The following PAPPA2 variants were observed in gnomAD, a reference collection of about 807,000 sequenced individuals.
The protein encoded by PAPPA2 is pappalysin-2.
In PAPPA2, 86 loss-of-function variants were observed where a neutral mutation model predicts 176.4. The ratio of observed to expected loss-of-function variants is 0.49; its 90% CI spans 0.41 to 0.58. PAPPA2 has a LOEUF of 0.58. PAPPA2 is among the 20% of genes least tolerant of loss of function. The pLI, the probability that PAPPA2 is intolerant of heterozygous loss-of-function variation, is 0.00. For missense variants in PAPPA2, 2,073 were observed against 2,256.9 expected, an observed-to-expected ratio of 0.92 and a Z score of 1.65; for synonymous variants, 809 against 852.2, an observed-to-expected ratio of 0.95 and a Z score of 0.88.
intron 14 of PAPPA2, among the ~76,000 whole-genome samples, chr1:176,742,960 A>G (rs553821426): frequency 1.8e-4 from 27 of 152,154 alleles, no homozygotes; most frequent in Non-Finnish European, 2.9e-4. Flanking sequence ...CTACACTTTA[A>G]AACCAACCTG....
chr1:176,841,742 G>A (rs1667497421), intron 22 of PAPPA2, among the ~76,000 whole-genome samples: 1 of 152,038 alleles, frequency 6.6e-6, no homozygotes, highest in African/African-American at 2.4e-5. Flanking sequence ...ACAATGGGTG[G>A]GTAGATGCAT....
At chr1:176,623,663 CTTTCTT>C (rs771529126) in intron 3 of PAPPA2, among the ~76,000 whole-genome samples, 6,468 of 116,610 alleles carry the variant, frequency 0.055, 243 homozygotes, top group African/African-American at 0.069. Flanking sequence ...TTCTTTCTTT[CTTTCTT>C]TTTCTTTCTT....
chr1:176,602,425 A>T (rs1288374849), intron 3 of PAPPA2, among the ~76,000 whole-genome samples: 1 of 152,306 alleles, frequency 6.6e-6, no homozygotes, highest in East Asian at 1.9e-4. Flanking sequence ...GGCACATGGC[A>T]TCAAAGGGAA....
intron 21 of PAPPA2, among the ~76,000 whole-genome samples, chr1:176,829,519 G>GAA (rs1667004892): frequency 6.6e-6 from 1 of 152,212 alleles, no homozygotes; most frequent in Non-Finnish European, 1.5e-5. Context: ...ACCAGCTCAG[G>GAA]CCTGCCTCAG....
chr1:176,798,435 T>A (rs1241305271), intron 20 of PAPPA2, among the ~76,000 whole-genome samples: 2 of 152,214 alleles, frequency 1.3e-5, no homozygotes, highest in Non-Finnish European at 2.9e-5. Context: ...GGTGGGGAAC[T>A]GGGGGTCCAT....
Position 176,765,828 on chromosome 1 carries a change from G to T in PAPPA2, c.4314G>T (p.Arg1438Ser). The T allele has an allele frequency of 1.2e-6, 2 of 1,613,808 alleles. No individual in the cohort carries two copies. The highest frequency in any genetic ancestry group is 1.7e-6 in the Non-Finnish European group (2 of 1,179,914). The part of the protein sequence containing the change: ...ALQASSGQYI[R>S]PMQKEILLTC... ...AGGCCAGCAGTGGGCAGTACATCAG[G>T]CCCATGCAGGTGAGTTGAAAGAACA... The change falls in exon 15 of 23, where the codon AGG (arginine) becomes AGT (serine). Residue 1438 changes from arginine to serine, a missense_variant. Transcript: ENST00000367662.
chr1:176,514,793 C>T (rs1007062188), intron 1 of PAPPA2, among the ~76,000 whole-genome samples: 4 of 152,208 alleles, frequency 2.6e-5, no homozygotes, highest in East Asian at 3.8e-4. Context: ...AGCAGAAATG[C>T]GATGACAAAG....
rs77372432 is a variant in PAPPA2, at chr1:176,472,168, A to C, written c.-917+8750A>C. Among the ~76,000 whole-genome samples, 190 of 152,354 alleles carry C rather than the reference A, an allele frequency of 1.2e-3. No homozygotes were observed. In the East Asian group the frequency reaches 0.017, roughly 13 times the overall value. On this transcript the variant is annotated intron_variant, in intron 1 of 22. Transcript: ENST00000367662. ...TATTATTTGATTTATCAGTGTTAAC[A>C]ATTCATATAGGAAAGGCCAATAAAT... is the stretch of plus-strand genomic sequence containing the variant.
At chr1:176,715,165 A>G (rs1661311716) in intron 12 of PAPPA2, among the ~76,000 whole-genome samples, 1 of 152,178 alleles carries the variant, frequency 6.6e-6, no homozygotes, top group East Asian at 1.9e-4. Flanking sequence ...GTGCACTAAT[A>G]ATTCTATCTT....
chr1:176,467,241 A>G (rs944543758), intron 1 of PAPPA2, among the ~76,000 whole-genome samples: 4 of 152,226 alleles, frequency 2.6e-5, no homozygotes, highest in Non-Finnish European at 5.9e-5. Flanking sequence ...AAAATATAAT[A>G]TTATAATCTT....
At chr1:176,567,214 G>A (rs1234203147) in intron 2 of PAPPA2, among the ~76,000 whole-genome samples, 6 of 152,156 alleles carry the variant, frequency 3.9e-5, no homozygotes, top group African/African-American at 1.4e-4. Context: ...AACTCAGTGG[G>A]CAAACAAAAA....
intron 10 of PAPPA2, among the ~76,000 whole-genome samples, chr1:176,708,036 T>C (rs1489389366): frequency 2.8e-5 from 4 of 145,118 alleles, no homozygotes; most frequent in Non-Finnish European, 6.1e-5. Context: ...ACACAAGTAT[T>C]TGTTAACACA....
chr1:176,776,433 A>G (rs1474308762), intron 17 of PAPPA2, among the ~76,000 whole-genome samples: 1 of 152,172 alleles, frequency 6.6e-6, no homozygotes, highest in Non-Finnish European at 1.5e-5. Context: ...CACAGCATCA[A>G]CTTTTCCAAA....
intron 1 of PAPPA2, among the ~76,000 whole-genome samples, chr1:176,554,364 T>G (rs1215951840): frequency 1.3e-5 from 2 of 152,224 alleles, no homozygotes; most frequent in Non-Finnish European, 2.9e-5. Context: ...AATGTGTTTC[T>G]CTACTGTTTT....
chr1:176,810,155 G>A (rs533907480), intron 21 of PAPPA2, among the ~76,000 whole-genome samples: 79 of 152,278 alleles, frequency 5.2e-4, no homozygotes, highest in Admixed American at 3.7e-3. Context: ...CTCTGTGGCA[G>A]TGAAAATGGG....
At chr1:176,812,591 T>C (rs1666204151) in intron 21 of PAPPA2, among the ~76,000 whole-genome samples, 1 of 152,196 alleles carries the variant, frequency 6.6e-6, no homozygotes, top group African/African-American at 2.4e-5. Context: ...ATGGTAATTG[T>C]CATAATTTCT....
intron 3 of PAPPA2, among the ~76,000 whole-genome samples, chr1:176,627,284 G>A (rs762332599): frequency 6.6e-6 from 1 of 152,132 alleles, no homozygotes; most frequent in Non-Finnish European, 1.5e-5. Flanking sequence ...TCTGAAAAAA[G>A]TTGGTTGGAT....
Position 176,534,236 on chromosome 1 carries a change from G to A in PAPPA2, c.-916-21171G>A, listed in dbSNP as rs1166418367. Among the ~76,000 whole-genome samples, 4 of 152,116 alleles carry A rather than the reference G, an allele frequency of 2.6e-5. No homozygotes were observed. In the East Asian group the frequency reaches 7.7e-4, roughly 29 times the overall value. ...TGGTACCTCCTAGCATTTCTCCCCT[G>A]TCACCCCAGGATATTGGATTCCCAT... is the stretch of plus-strand genomic sequence containing the variant. On this transcript the variant is annotated intron_variant, in intron 1 of 22. Transcript: ENST00000367662.
intron 3 of PAPPA2, among the ~76,000 whole-genome samples, chr1:176,643,197 T>C (rs1167962590): frequency 6.6e-6 from 1 of 151,842 alleles, no homozygotes; most frequent in African/African-American, 2.4e-5. Flanking sequence ...AAAATTGAGG[T>C]GCAAAGGGGT....
Sources: allele counts gnomAD v4.1 joint callset (sites outside exome capture counted in the v4.1 genomes callset), GRCh38; gene constraint gnomAD v4.1.1; transcripts MANE v1.5; gene names NCBI Gene and HGNC (gene_info 2026-07-23, HGNC 2026-07-21).